The following SCAF11 variants were observed in gnomAD, a reference collection of about 807,000 sequenced individuals.
SCAF11 encodes the protein SR-related CTD associated factor 11, also known as protein SCAF11.
In SCAF11, 47 loss-of-function variants were observed where a neutral mutation model predicts 140.5. That is an observed-to-expected ratio of 0.33 (90% CI 0.26 to 0.43). The LOEUF (loss-of-function observed/expected upper bound fraction) is 0.43. Ranked by LOEUF, SCAF11 falls within the 20% of genes least tolerant of loss-of-function variation. The probability of loss-of-function intolerance (pLI) is 1.00; values close to 1 mark genes in which losing one functional copy is unlikely to be tolerated. For synonymous variants in SCAF11, 557 were observed against 579.4 expected, an observed-to-expected ratio of 0.96 and a Z score of 0.55; for missense variants, 1,645 against 1,705.1, an observed-to-expected ratio of 0.96 and a Z score of 0.62.
intron 6 of SCAF11, chr12:45,935,063 C>T (rs1428397516): frequency 6.6e-6 from 1 of 152,262 alleles, no homozygotes; most frequent in African/African-American, 2.4e-5. Flanking sequence ...ACTGAAACAG[C>T]TTTCTGTTAC....
chr12:45,961,570 T>C (rs941946598), intron 3 of SCAF11, 130 bp downstream of exon 3: 1 of 754,892 alleles, frequency 1.3e-6, no homozygotes, highest in Non-Finnish European at 2.1e-6. Context: ...ATTTGAATAA[T>C]ACAAGGAAAT....
chr12:45,956,138 C>T lies in SCAF11; in HGVS notation c.220-4411G>A, dbSNP rs180749102. On this transcript the variant is annotated intron_variant, in intron 3 of 14. Transcript: ENST00000369367. ...TCAGGATCCTCGATTTCTAATTTCT[C>T]GCTTCCTCCTGCTGCTCTATCCTCA... is the stretch of plus-strand genomic sequence containing the variant. The T allele has an allele frequency of 1.7e-3, 1,191 of 716,698 alleles. 8 individuals carry two copies. Among genetic ancestry groups the T allele is most frequent in the East Asian group, 7.5e-3 (280 of 37,238 alleles). The allele number at this position is 716,698 out of a possible 1,614,324, so 44.4% of individuals were successfully genotyped here.
rs564009479 is a variant in SCAF11 at position 45,974,112 on chromosome 12, T to C, written c.-21-9924A>G. 64 of 450,610 alleles carry C rather than the reference T, an allele frequency of 1.4e-4. No individual in the cohort carries two copies. In the Admixed American group the frequency reaches 1.5e-3, roughly 10 times the overall value. 27.9% of individuals were successfully genotyped at this position (450,610 alleles called of 1,614,324 possible). A position where few individuals can be genotyped will look rare whatever the true frequency, so the allele number is the denominator to read the frequency against. On this transcript the variant is annotated intron_variant, in intron 1 of 14. Coordinates refer to ENST00000369367, the MANE Select transcript of SCAF11 (RefSeq NM_004719.3). Reference sequence around the variant, plus strand: ...AAAATTTTTGGTTTCCTAGTATATATGTTTATATTATACTGTAGTCCATGA... The same window carrying C: ...AAAATTTTTGGTTTCCTAGTATATACGTTTATATTATACTGTAGTCCATGA...
chr12:45,984,797 C>T (rs1465292387), intron 1 of SCAF11, among the ~76,000 whole-genome samples: 3 of 151,378 alleles, frequency 2.0e-5, no homozygotes, highest in Non-Finnish European at 4.4e-5. Flanking sequence ...CAGGTTCAAG[C>T]GATTCTTGTG....
rs12830297 is a variant in SCAF11, at chr12:45,973,029, G to T, written c.-21-8841C>A. Among the ~76,000 whole-genome samples the T allele has an allele frequency of 7.7e-5, 11 of 142,614 alleles. No individual in the cohort carries two copies. The East Asian group carries it at 8.0e-4, about 10-fold the overall frequency. The allele number at this position is 142,614 out of a possible 152,430, so 93.6% of individuals were successfully genotyped here. On this transcript the variant is annotated intron_variant, in intron 1 of 14. Transcript: ENST00000369367. Reference sequence around the variant, plus strand: ...ATATATATAGATATATAGATATATAGATATAGATATATAGATATATCCCAA... The same window carrying T: ...ATATATATAGATATATAGATATATATATATAGATATATAGATATATCCCAA...
At chr12:45,941,665 T>C (rs1446319781) in intron 6 of SCAF11, among the ~76,000 whole-genome samples, 1 of 152,176 alleles carries the variant, frequency 6.6e-6, no homozygotes, top group Non-Finnish European at 1.5e-5. Flanking sequence ...TTTCAGTAAC[T>C]GGCAACTCCT....
intron 1 of SCAF11, among the ~76,000 whole-genome samples, chr12:45,982,287 G>A (rs1374767793): frequency 6.6e-6 from 1 of 152,162 alleles, no homozygotes. Flanking sequence ...TTTCAGGTGA[G>A]TGATAGCTTA....
intron 1 of SCAF11, among the ~76,000 whole-genome samples, chr12:45,989,981 C>G (rs574287543): frequency 2.6e-4 from 39 of 152,008 alleles, no homozygotes; most frequent in East Asian, 9.7e-4. Context: ...CCCTTCCCCC[C>G]CCCCCGTAGG....
rs775948871 is a variant in SCAF11 at position 45,924,744 on chromosome 12, T to A, written c.3890A>T (p.Asp1297Val). 3.1e-6 allele frequency: 5 copies of A among 1,605,622 alleles called. No individual in the cohort carries two copies. The highest frequency in any genetic ancestry group is 4.3e-6 in the Non-Finnish European group (5 of 1,173,372). ...AAAACATACCTGCAATTGCTTTCCATCTGGTTGTGAAGCAATGTAGTTGAC... is the reference window on the plus strand; with the variant it reads ...AAAACATACCTGCAATTGCTTTCCAACTGGTTGTGAAGCAATGTAGTTGAC... Reference protein sequence around the residue: ...QQVNYIASQPDGKQLQGIPSS... With the variant: ...QQVNYIASQPVGKQLQGIPSS... The change falls in exon 12 of 15, where the codon GAT (aspartate) becomes GTT (valine). Residue 1297 changes from aspartate to valine, a missense_variant. Transcript: ENST00000369367.
At chr12:45,981,579 T>C (rs923517531) in intron 1 of SCAF11, among the ~76,000 whole-genome samples, 1 of 152,202 alleles carries the variant, frequency 6.6e-6, no homozygotes, top group Non-Finnish European at 1.5e-5. Flanking sequence ...TTTATCTCAT[T>C]TCCCCAAGTT....
chr12:45,930,563 T>C (rs1186697370), intron 10 of SCAF11, among the ~76,000 whole-genome samples: 1 of 151,590 alleles, frequency 6.6e-6, no homozygotes, highest in Non-Finnish European at 1.5e-5. Context: ...TCACAACACT[T>C]GAGTACACCA....
chr12:45,951,853 C>T (rs1945557971), intron 3 of SCAF11, 126 bp from the exon 4 acceptor site: 1 of 602,710 alleles, frequency 1.7e-6, no homozygotes, highest in African/African-American at 1.9e-5. Flanking sequence ...TATTTTTATA[C>T]CTTAAATTTG....
At chr12:45,964,274 T>G (rs1377569193) in intron 1 of SCAF11, 86 bp from the exon 2 acceptor site, 1 of 679,682 alleles carries the variant, frequency 1.5e-6, no homozygotes, top group Non-Finnish European at 2.5e-6. Flanking sequence ...TGTAAGAAAT[T>G]ATTTTACACA....
In SCAF11 at chr12:45,924,939, G is replaced by A. The variant is rs777676668; in HGVS notation, c.3695C>T (p.Pro1232Leu). 33 of 1,614,030 alleles carry A rather than the reference G, an allele frequency of 2.0e-5. No homozygotes were observed. The highest frequency in any genetic ancestry group is 1.0e-4 in the Admixed American group (6 of 60,008). ...CATCAAAGGAGCATGAACACCCACT[G>A]GATATGGGAAGATATTCATAGGCTG... Reference protein sequence around the residue: ...QHQPMNIFPYPVGVHAPLMNI... With the variant: ...QHQPMNIFPYLVGVHAPLMNI... The change falls in exon 12 of 15, where the codon CCA (proline) becomes CTA (leucine). Residue 1232 changes from proline (P) to leucine (L), a missense_variant. Pro to Leu is a moderately conservative substitution (Grantham distance 98, BLOSUM62 -3). Coordinates refer to ENST00000369367, the MANE Select transcript of SCAF11 (RefSeq NM_004719.3).
At chr12:45,951,587 A>C in intron 4 of SCAF11, 63 bp downstream of exon 4, 3 of 1,109,840 alleles carry the variant, frequency 2.7e-6, no homozygotes, top group Admixed American at 4.3e-5. Flanking sequence ...CAAACTGGAA[A>C]TCAAAGTCAA....
At chr12:45,966,613 T>G (rs908253180) in intron 1 of SCAF11, among the ~76,000 whole-genome samples, 1 of 152,056 alleles carries the variant, frequency 6.6e-6, no homozygotes, top group African/African-American at 2.4e-5. Flanking sequence ...ACATTTGAAC[T>G]GGCAATCAGA....
intron 3 of SCAF11, among the ~76,000 whole-genome samples, chr12:45,954,288 G>A (rs1945623137): frequency 6.6e-6 from 1 of 151,928 alleles, no homozygotes; most frequent in Non-Finnish European, 1.5e-5. Context: ...CTGGAGTGCA[G>A]TGGCACTATC....
intron 1 of SCAF11, among the ~76,000 whole-genome samples, chr12:45,969,738 G>GTGTGTGTT (rs1390677366): frequency 2.0e-5 from 3 of 152,186 alleles, no homozygotes; most frequent in African/African-American, 7.2e-5. Context: ...GAGTGTGAGT[G>GTGTGTGTT]TGTGTGTTTG....
intron 6 of SCAF11, among the ~76,000 whole-genome samples, chr12:45,938,837 C>CTTAA (rs1181954749): frequency 6.7e-6 from 1 of 148,500 alleles, no homozygotes; most frequent in East Asian, 1.9e-4. Flanking sequence ...CTAGTATGTA[C>CTTAA]TTAAAGAAGT....
Sources: gnomAD v4.1 joint callset for allele counts (sites outside exome capture counted in the v4.1 genomes callset) on GRCh38, gnomAD v4.1.1 for gene constraint, MANE v1.5 for transcripts, NCBI Gene and HGNC (gene_info 2026-07-23, HGNC 2026-07-21) for gene names.